CLCN3: variants seen among roughly 807,000 people sequenced by gnomAD.
The protein encoded by CLCN3 is Cl-/H+ antiporter 3.
In CLCN3, 16 loss-of-function variants were observed where a neutral mutation model predicts 83.4. The ratio of observed to expected loss-of-function variants is 0.19; its 90% CI spans 0.13 to 0.29. The LOEUF (loss-of-function observed/expected upper bound fraction) is 0.29, where lower values mean the gene tolerates loss of function less well. Among genes scored for constraint, CLCN3 ranks in the 10% least tolerant of loss-of-function variants. The pLI, the probability that CLCN3 is intolerant of heterozygous loss-of-function variation, is 1.00. For missense variants in CLCN3, 544 were observed against 1,006.0 expected, an observed-to-expected ratio of 0.54 and a Z score of 6.21; for synonymous variants, 322 against 346.2, an observed-to-expected ratio of 0.93 and a Z score of 0.78.
At chr4:169,694,864 C>T (rs1050720164) in intron 7 of CLCN3, among the ~76,000 whole-genome samples, 2 of 152,028 alleles carry the variant, frequency 1.3e-5, no homozygotes, top group African/African-American at 4.8e-5. Flanking sequence ...AATACAGACT[C>T]TTAGAAAAAT....
Position 169,697,456 on chromosome 4 carries a change from C to G in CLCN3, c.1285C>G (p.Leu429Val), listed in dbSNP as rs766374464. ...CACGAAATTTGGAAAGTATCCCGTT[C>G]TGGAAGTCATTATTGTTGCAGCCAT... ...KSTKFGKYPV[L>V]EVIIVAAITA... Residue 429 changes from leucine to valine, a missense_variant, in exon 9 of 13, where the codon CTG (leucine) becomes GTG (valine). Physicochemically the swap from Leu to Val is conservative, Grantham distance 32 (BLOSUM62 1). Coordinates refer to ENST00000513761, the MANE Select transcript of CLCN3 (RefSeq NM_001829.4). 2 of 1,614,074 alleles carry G rather than the reference C, an allele frequency of 1.2e-6. No individual in the cohort carries two copies. The highest frequency in any genetic ancestry group is 1.3e-5 in the African/African-American group (1 of 74,928).
chr4:169,685,123 T>C (rs1732104989), intron 3 of CLCN3, among the ~76,000 whole-genome samples: 1 of 152,054 alleles, frequency 6.6e-6, no homozygotes, highest in Non-Finnish European at 1.5e-5. Flanking sequence ...GGCCTATCCT[T>C]TATTTATTCC....
At chr4:169,679,454 T>C (rs1182012020) in intron 2 of CLCN3, among the ~76,000 whole-genome samples, 1 of 140,040 alleles carries the variant, frequency 7.1e-6, no homozygotes, top group Admixed American at 7.1e-5. Flanking sequence ...CGATGGGCAG[T>C]CAGGCAGAGA....
intron 2 of CLCN3, among the ~76,000 whole-genome samples, chr4:169,672,353 T>C (rs1221996379): frequency 1.2e-4 from 18 of 152,102 alleles, no homozygotes; most frequent in Admixed American, 1.2e-3. Context: ...TTAGCCAGTT[T>C]AGTCTCAAAC....
chr4:169,693,556 A>G (rs1732450287), intron 7 of CLCN3, among the ~76,000 whole-genome samples: 1 of 151,772 alleles, frequency 6.6e-6, no homozygotes, highest in South Asian at 2.1e-4. Context: ...CTTTGACTTC[A>G]AAGTCTGTGG....
chr4:169,645,248 A>G (rs1730542193), intron 2 of CLCN3, among the ~76,000 whole-genome samples: 1 of 152,338 alleles, frequency 6.6e-6, no homozygotes, highest in South Asian at 2.1e-4. Context: ...CACTGGGTAC[A>G]TGAATAAGGT....
intron 2 of CLCN3, chr4:169,663,450 C>G (rs1731136209): frequency 4.0e-6 from 1 of 252,702 alleles, no homozygotes; most frequent in African/African-American, 2.4e-5. Context: ...CCGTCTCACC[C>G]TCCTTGGTAC....
intron 10 of CLCN3, among the ~76,000 whole-genome samples, chr4:169,705,124 G>A (rs1309793282): frequency 6.6e-6 from 1 of 152,144 alleles, no homozygotes; most frequent in African/African-American, 2.4e-5. Context: ...AGGAATATAG[G>A]GGAAGAAAGA....
intron 1 of CLCN3, among the ~76,000 whole-genome samples, chr4:169,629,393 A>T (rs1488841196): frequency 6.6e-6 from 1 of 151,784 alleles, no homozygotes; most frequent in Non-Finnish European, 1.5e-5. Context: ...TTTGAGGCAG[A>T]TCTTGCTCAG....
chr4:169,663,315 TTGTTGTTGTTG>T (rs1481511128), intron 2 of CLCN3, among the ~76,000 whole-genome samples: 2 of 17,504 alleles, frequency 1.1e-4, no homozygotes, highest in African/African-American at 1.2e-4. Flanking sequence ...GTGGGTTTTT[TTGTTGTTGTTG>T]TTGTTGTTGT....
At position 169,697,417 on chromosome 4, in the gene CLCN3, C is replaced by T. The variant is rs1226755983; in HGVS notation, c.1246C>T (p.Arg416Cys). Residue 416 changes from arginine (R) to cysteine (C), a missense_variant, in exon 9 of 13, where the codon CGT becomes TGT. By Grantham distance (180) the Arg-to-Cys change is radical. Coordinates refer to ENST00000513761, the MANE Select transcript of CLCN3 (RefSeq NM_001829.4). ...FFIRANIAWC[R>C]RRKSTKFGKY... The stretch of plus-strand genomic sequence containing the variant: ...CATTAGGGCAAATATTGCCTGGTGT[C>T]GTCGACGCAAGTCCACGAAATTTGG... 3.1e-6 allele frequency: 5 copies of T among 1,614,058 alleles called. No homozygotes were observed. The highest frequency in any genetic ancestry group is 4.2e-6 in the Non-Finnish European group (5 of 1,180,018).
At position 169,695,675 on chromosome 4, in the gene CLCN3, C is replaced by A; in HGVS notation, c.1000C>A (p.Leu334Ile). ...TTTTGGTGCACCAATTGGAGGAGTT[C>A]TTTTTAGCCTGGAAGAGGTAGGTGA... ...VAFGAPIGGV[L>I]FSLEEVSYYF... The change falls in exon 8 of 13, where the codon CTT becomes ATT. Residue 334 changes from leucine to isoleucine, a missense_variant. Around this residue, in one of 6 missense-constraint regions of CLCN3, gnomAD observed 194 missense variants for 341.4 expected, o/e 0.57. Coordinates refer to ENST00000513761, the MANE Select transcript of CLCN3 (RefSeq NM_001829.4). 6.2e-7 allele frequency: 1 copy of A among 1,612,398 alleles called. No individual in the cohort carries two copies. Among genetic ancestry groups the A allele is most frequent in the South Asian group, 1.1e-5 (1 of 90,892 alleles).
chr4:169,628,605 G>A (rs971415316), intron 1 of CLCN3, among the ~76,000 whole-genome samples: 1 of 152,100 alleles, frequency 6.6e-6, no homozygotes, highest in African/African-American at 2.4e-5. Context: ...AGATACTACC[G>A]TACATCTATC....
chr4:169,668,361 A>T (rs1027769637), intron 2 of CLCN3, among the ~76,000 whole-genome samples: 1 of 152,136 alleles, frequency 6.6e-6, no homozygotes, highest in African/African-American at 2.4e-5. Context: ...GAGCAGAAAT[A>T]ATAGCTTGTG....
Position 169,692,122 on chromosome 4 carries a change from T to A in CLCN3, c.738T>A (p.Thr246=), listed in dbSNP as rs1732396758. Residue 246 remains threonine (T), a synonymous_variant, in exon 7 of 13, where the codon ACT becomes ACA. Transcript: ENST00000513761. The part of the protein sequence containing the change: ...ACGSGIPEIK[T]ILSGFIIRGY... ...TAATCTTTGCCTTGTAGATTAAAACTATTTTAAGTGGATTCATCATCAGAG... is the reference window on the plus strand; with the variant it reads ...TAATCTTTGCCTTGTAGATTAAAACAATTTTAAGTGGATTCATCATCAGAG... The A allele has an allele frequency of 1.4e-5, 22 of 1,585,632 alleles. No individual in the cohort carries two copies. Among genetic ancestry groups the A allele is most frequent in the Non-Finnish European group, 1.9e-5 (22 of 1,155,572 alleles).
chr4:169,713,997 CG>C (rs1320854468), intron 12 of CLCN3, among the ~76,000 whole-genome samples: 1 of 152,148 alleles, frequency 6.6e-6, no homozygotes, highest in Non-Finnish European at 1.5e-5. Flanking sequence ...ACAGATGTCA[CG>C]GGGGTTGTGG....
chr4:169,712,975 C>G, intron 11 of CLCN3, 104 bp from the exon 12 acceptor site: 1 of 779,750 alleles, frequency 1.3e-6, no homozygotes, highest in Non-Finnish European at 2.1e-6. Context: ...ATGAAGGGAT[C>G]AGAAGTCATA....
intron 11 of CLCN3, among the ~76,000 whole-genome samples, chr4:169,709,193 G>GAT (rs1160397110): frequency 6.7e-6 from 1 of 149,694 alleles, no homozygotes; most frequent in Non-Finnish European, 1.5e-5. Flanking sequence ...ACATATAATT[G>GAT]ATATATATAA....
At chr4:169,646,626 T>C (rs1315360937) in intron 2 of CLCN3, among the ~76,000 whole-genome samples, 1 of 152,210 alleles carries the variant, frequency 6.6e-6, no homozygotes, top group Non-Finnish European at 1.5e-5. Flanking sequence ...TACAGTTATA[T>C]AAAGTTTTGG....
Sources: allele counts gnomAD v4.1 joint callset (sites outside exome capture counted in the v4.1 genomes callset), GRCh38; gene constraint gnomAD v4.1.1; regional missense constraint gnomAD v4.1.1; transcripts MANE v1.5; gene names NCBI Gene and HGNC (gene_info 2026-07-23, HGNC 2026-07-21).